Variants in CIMAP2 observed in about 807,000 individuals in gnomAD.
The protein encoded by CIMAP2 is ciliary microtubule associated protein 2, also known as ciliary microtubule-associated protein 2.
chr1:54,828,595 G>A, the CIMAP2 span, among the ~76,000 whole-genome samples: 1 of 152,082 alleles, frequency 6.6e-6, no homozygotes. Flanking sequence ...GCCTCCCAGA[G>A]TGTTGGGATT....
the CIMAP2 span, chr1:54,807,527 C>A: frequency 6.5e-7 from 1 of 1,549,860 alleles, no homozygotes; most frequent in South Asian, 1.2e-5. Flanking sequence ...CTGACTCAGT[C>A]CCACATAGGC....
At chr1:54,810,765 A>G in the CIMAP2 span, among the ~76,000 whole-genome samples, 1 of 152,240 alleles carries the variant, frequency 6.6e-6, no homozygotes, top group South Asian at 2.1e-4. Flanking sequence ...CTGGCAGCCC[A>G]GGTCCCAGAT....
the CIMAP2 span, chr1:54,841,967 C>T: frequency 0.2 from 259,787 of 1,310,578 alleles, 27,809 homozygotes; most frequent in East Asian, 0.43. Context: ...AGTGGGGTGT[C>T]TTAGAGAAAG....
chr1:54,836,782 G>A, the CIMAP2 span, among the ~76,000 whole-genome samples: 131 of 152,052 alleles, frequency 8.6e-4, no homozygotes, highest in Non-Finnish European at 1.5e-3. Flanking sequence ...AGGGGTAAAC[G>A]AGCCTGGCCT....
chr1:54,827,690 T>G, the CIMAP2 span, among the ~76,000 whole-genome samples: 1 of 152,232 alleles, frequency 6.6e-6, no homozygotes, highest in Non-Finnish European at 1.5e-5. Flanking sequence ...CAGGTGAATG[T>G]ACACTGCCCC....
chr1:54,817,064 C>T, the CIMAP2 span: 1 of 1,614,212 alleles, frequency 6.2e-7, no homozygotes, highest in Non-Finnish European at 8.5e-7. Flanking sequence ...ATATCGATCC[C>T]TATTCCTGAG....
the CIMAP2 span, among the ~76,000 whole-genome samples, chr1:54,837,111 A>G: frequency 6.6e-6 from 1 of 152,092 alleles, no homozygotes; most frequent in Non-Finnish European, 1.5e-5. Flanking sequence ...CCCTTAAAAA[A>G]TGAGTCCTAG....
At chr1:54,815,157 C>T in the CIMAP2 span, 1 of 1,440,958 alleles carries the variant, frequency 6.9e-7, no homozygotes. Flanking sequence ...CCTCCCCTTT[C>T]TTTTCCCCAA....
chr1:54,819,891 T>C, the CIMAP2 span, among the ~76,000 whole-genome samples: 1 of 139,976 alleles, frequency 7.1e-6, no homozygotes, highest in Non-Finnish European at 1.6e-5. Context: ...CTTCTTTCCC[T>C]TCCTTCCTTC....
the CIMAP2 span, among the ~76,000 whole-genome samples, chr1:54,814,423 CTG>C: frequency 6.6e-6 from 1 of 152,210 alleles, no homozygotes; most frequent in Non-Finnish European, 1.5e-5. Context: ...AGCAGGCCCT[CTG>C]GGGGTCTGAG....
At chr1:54,832,324 A>G in the CIMAP2 span, among the ~76,000 whole-genome samples, 3 of 151,982 alleles carry the variant, frequency 2.0e-5, no homozygotes, top group Admixed American at 2.0e-4. Flanking sequence ...ACATTTATAA[A>G]AATTGATCTC....
At chr1:54,816,958 C>A in the CIMAP2 span, 1 of 1,613,496 alleles carries the variant, frequency 6.2e-7, no homozygotes, top group Non-Finnish European at 8.5e-7. Flanking sequence ...GCCAGGCTTG[C>A]TAATGTCCTG....
the CIMAP2 span, among the ~76,000 whole-genome samples, chr1:54,838,181 G>T: frequency 6.6e-6 from 1 of 152,020 alleles, no homozygotes; most frequent in Admixed American, 6.5e-5. Flanking sequence ...ACTGTACTCA[G>T]CTCTGTATAA....
the CIMAP2 span, among the ~76,000 whole-genome samples, chr1:54,828,986 G>C: frequency 2.0e-5 from 3 of 152,144 alleles, no homozygotes; most frequent in African/African-American, 7.2e-5. Context: ...TTTTAAGATA[G>C]AAGAATAATG....
chr1:54,811,722 G>A, the CIMAP2 span: 11 of 1,431,262 alleles, frequency 7.7e-6, no homozygotes, highest in Non-Finnish European at 1.1e-5. Context: ...AATCTCAGGT[G>A]TCTGTTCCTC....
At chr1:54,821,463 TG>T in the CIMAP2 span, among the ~76,000 whole-genome samples, 1 of 152,208 alleles carries the variant, frequency 6.6e-6, no homozygotes, top group Non-Finnish European at 1.5e-5. Context: ...CACCATTTAT[TG>T]CATGGTGTTA....
At chr1:54,811,630 G>A in the CIMAP2 span, among the ~76,000 whole-genome samples, 4 of 152,038 alleles carry the variant, frequency 2.6e-5, no homozygotes, top group African/African-American at 9.7e-5. Context: ...AGTGGTGGAC[G>A]CTCACGGGCA....
At chr1:54,825,217 A>T in the CIMAP2 span, among the ~76,000 whole-genome samples, 2 of 150,284 alleles carry the variant, frequency 1.3e-5, no homozygotes, top group East Asian at 3.9e-4. Flanking sequence ...CGCCCAGCTA[A>T]TTTTTTCTGT....
At chr1:54,813,070 C>A in the CIMAP2 span, among the ~76,000 whole-genome samples, 1 of 152,172 alleles carries the variant, frequency 6.6e-6, no homozygotes, top group African/African-American at 2.4e-5. Context: ...GGACCCTCCT[C>A]AGGCACTGTG....
Sources: allele counts gnomAD v4.1 joint callset (sites outside exome capture counted in the v4.1 genomes callset), GRCh38; gene constraint gnomAD v4.1.1; transcripts MANE v1.5; gene names NCBI Gene and HGNC (gene_info 2026-07-23, HGNC 2026-07-21).